Variants in KIAA1328 observed in about 807,000 individuals in gnomAD.
KIAA1328 encodes protein hinderin.
In KIAA1328, 52 loss-of-function variants were observed where a neutral mutation model predicts 68.1. That is an observed-to-expected ratio of 0.76 (90% confidence interval 0.61 to 0.96). The LOEUF (loss-of-function observed/expected upper bound fraction) is 0.96. Among genes scored for constraint, KIAA1328 ranks in the 40% least tolerant of loss-of-function variants. KIAA1328 has a pLI of 0.00. For missense variants in KIAA1328, 641 were observed against 677.6 expected, an observed-to-expected ratio of 0.95 and a Z score of 0.60; for synonymous variants, 232 against 239.4, an observed-to-expected ratio of 0.97 and a Z score of 0.28.
intron 6 of KIAA1328, among the ~76,000 whole-genome samples, chr18:36,974,438 AG>A (rs1353007235): frequency 6.6e-6 from 1 of 152,184 alleles, no homozygotes; most frequent in African/African-American, 2.4e-5. Flanking sequence ...TGAAGATAAA[AG>A]CCTCCAGTTC....
rs1171740315 is a variant in KIAA1328, at chr18:37,003,539, G to T, written c.576+44104G>T. On this transcript the variant is annotated intron_variant, in intron 6 of 9. Coordinates refer to ENST00000280020, the MANE Select transcript of KIAA1328 (RefSeq NM_020776.3). ...GGCAAAGGTTTTTCCCATTTTGTGG[G>T]TTGTTTACTCTGCTAATGGTTCCTT... Among the ~76,000 whole-genome samples, 4 of 151,962 alleles carry T rather than the reference G, an allele frequency of 2.6e-5. No individual in the cohort carries two copies. The South Asian group carries it at 8.3e-4, about 32-fold the overall frequency.
intron 6 of KIAA1328, among the ~76,000 whole-genome samples, chr18:37,029,557 G>T (rs983552020): frequency 2.0e-5 from 3 of 152,026 alleles, no homozygotes; most frequent in African/African-American, 4.8e-5. Context: ...GTAGAGACAG[G>T]GTTTCACCGT....
At chr18:37,094,030 C>T (rs1321839924) in intron 7 of KIAA1328, among the ~76,000 whole-genome samples, 1 of 152,294 alleles carries the variant, frequency 6.6e-6, no homozygotes, top group East Asian at 1.9e-4. Context: ...TTTCCACAGA[C>T]CAGGGTGTGG....
At chr18:36,949,459 G>C (rs1248118954) in intron 5 of KIAA1328, among the ~76,000 whole-genome samples, 1 of 152,064 alleles carries the variant, frequency 6.6e-6, no homozygotes, top group East Asian at 1.9e-4. Context: ...ATTTAAATAA[G>C]TGTCCTTACC....
At chr18:36,879,842 G>C (rs984739932) in intron 4 of KIAA1328, among the ~76,000 whole-genome samples, 2 of 152,106 alleles carry the variant, frequency 1.3e-5, no homozygotes, top group Non-Finnish European at 2.9e-5. Flanking sequence ...GGAGAAAATT[G>C]CCTACTCAAG....
At chr18:36,887,340 A>G (rs1263614375) in intron 5 of KIAA1328, among the ~76,000 whole-genome samples, 2 of 152,118 alleles carry the variant, frequency 1.3e-5, no homozygotes, top group Non-Finnish European at 2.9e-5. Context: ...GAATGCTTTC[A>G]TTTGCAACAA....
At position 36,922,524 on chromosome 18, in the gene KIAA1328, A is replaced by G. The variant is rs147946728; in HGVS notation, c.449-36784A>G. ...CATTCTTTCTGGTTCAGTTATTGAAAAGTTTGTTTATATTTTGCCACAGGG... is the reference window on the plus strand; with the variant it reads ...CATTCTTTCTGGTTCAGTTATTGAAGAGTTTGTTTATATTTTGCCACAGGG... On this transcript the variant is annotated intron_variant, in intron 5 of 9. Transcript: ENST00000280020. Among the ~76,000 whole-genome samples, 4 of 152,222 alleles carry G rather than the reference A, an allele frequency of 2.6e-5. No homozygotes were observed. The East Asian group carries it at 7.7e-4, about 29-fold the overall frequency.
intron 8 of KIAA1328, among the ~76,000 whole-genome samples, chr18:37,165,685 A>G (rs1021490456): frequency 2.7e-5 from 4 of 148,440 alleles, no homozygotes; most frequent in Admixed American, 2.1e-4. Flanking sequence ...TCTGCCTCCC[A>G]GGTTCAAGTG....
chr18:37,180,268 C>T (rs995605041), intron 9 of KIAA1328, among the ~76,000 whole-genome samples: 1 of 152,060 alleles, frequency 6.6e-6, no homozygotes, highest in African/African-American at 2.4e-5. Flanking sequence ...GTAGTATTAT[C>T]CGATTTGACA....
At chr18:36,872,778 ACAAT>A (rs537805888) in intron 4 of KIAA1328, among the ~76,000 whole-genome samples, 26 of 152,258 alleles carry the variant, frequency 1.7e-4, no homozygotes, top group Non-Finnish European at 3.5e-4. Flanking sequence ...AGATGTTGAA[ACAAT>A]CTGATGAGGA....
At chr18:36,859,456 T>TA (rs1033736048) in intron 4 of KIAA1328, among the ~76,000 whole-genome samples, 2 of 151,734 alleles carry the variant, frequency 1.3e-5, no homozygotes, top group Non-Finnish European at 2.9e-5. Flanking sequence ...TGATGTGCCT[T>TA]AAAAAAAATG....
chr18:37,111,754 G>T (rs2057937631), intron 7 of KIAA1328, among the ~76,000 whole-genome samples: 1 of 152,122 alleles, frequency 6.6e-6, no homozygotes, highest in South Asian at 2.1e-4. Context: ...CAAGGGGTCG[G>T]GGAATTCCCT....
intron 6 of KIAA1328, among the ~76,000 whole-genome samples, chr18:37,051,525 A>G (rs1355883962): frequency 6.6e-6 from 1 of 152,160 alleles, no homozygotes; most frequent in Non-Finnish European, 1.5e-5. Flanking sequence ...TCCTAAACAG[A>G]CCAAATAACG....
intron 9 of KIAA1328, among the ~76,000 whole-genome samples, chr18:37,209,166 C>CT (rs767203258): frequency 5.0e-4 from 76 of 152,098 alleles, no homozygotes; most frequent in Non-Finnish European, 8.7e-4. Context: ...TGTAAGCATC[C>CT]TTTTTTTGTA....
rs184971510 is a variant in KIAA1328, at chr18:36,991,707, G to A, written c.576+32272G>A. Among the ~76,000 whole-genome samples, 171 of 152,302 alleles carry A rather than the reference G, an allele frequency of 1.1e-3. 3 individuals carry two copies. The highest frequency in any genetic ancestry group is 4.0e-3 in the African/African-American group (166 of 41,576). On this transcript the variant is annotated intron_variant, in intron 6 of 9. Transcript: ENST00000280020. ...TGTGGTCATACTTATGTGGCTACAT[G>A]CAGCTGACATGTTAGCTATGGCCCT...
intron 5 of KIAA1328, among the ~76,000 whole-genome samples, chr18:36,888,702 A>G (rs2048581428): frequency 1.3e-5 from 2 of 152,164 alleles, no homozygotes; most frequent in South Asian, 4.1e-4. Flanking sequence ...CTCCTTTACC[A>G]GAATAAACCT....
chr18:36,857,563 G>T (rs2047426244), intron 4 of KIAA1328, among the ~76,000 whole-genome samples: 1 of 152,238 alleles, frequency 6.6e-6, no homozygotes, highest in Non-Finnish European at 1.5e-5. Context: ...GGGATGAATG[G>T]TAAGTGGACA....
Position 37,225,021 on chromosome 18 carries a change from T to C in KIAA1328, c.*2794T>C, listed in dbSNP as rs1295921929. The C allele has an allele frequency of 1.0e-6, 1 of 985,288 alleles. No individual in the cohort carries two copies. Among genetic ancestry groups the C allele is most frequent in the East Asian group, 1.1e-4 (1 of 8,826 alleles). 61.0% of individuals were successfully genotyped at this position (985,288 alleles called of 1,614,324 possible). ...GTTTATCCAAACCTGATCCCCATGA[T>C]GGGGACTTTTCTAGAGCACCCCAAA... On this transcript the variant is annotated 3_prime_UTR_variant, in exon 10 of 10. Transcript: ENST00000280020.
In KIAA1328 at chr18:37,224,788, C is replaced by T. The variant is rs913670177; in HGVS notation, c.*2561C>T. The T allele has an allele frequency of 5.3e-5, 52 of 985,218 alleles. No individual in the cohort carries two copies. The highest frequency in any genetic ancestry group is 1.1e-4 in the East Asian group (1 of 8,816). The allele number at this position is 985,218 out of a possible 1,614,324, so 61.0% of individuals were successfully genotyped here. A position where few individuals can be genotyped will look rare whatever the true frequency, so the allele number is the denominator to read the frequency against. On this transcript the variant is annotated 3_prime_UTR_variant, in exon 10 of 10. Coordinates refer to ENST00000280020, the MANE Select transcript of KIAA1328 (RefSeq NM_020776.3). ...TCCCAAAGCAAGACTGGACACATGC[C>T]GAGGGCGTTGCGGATAGTGCCTCAC...
Sources: allele counts gnomAD v4.1 joint callset (sites outside exome capture counted in the v4.1 genomes callset), GRCh38; gene constraint gnomAD v4.1.1; transcripts MANE v1.5; gene names NCBI Gene and HGNC (gene_info 2026-07-23, HGNC 2026-07-21).